Variants in UROC1 observed in about 807,000 individuals in gnomAD.
The protein encoded by UROC1 is urocanate hydratase.
In UROC1, 79 loss-of-function variants were observed where a neutral mutation model predicts 89.5. That is an observed-to-expected ratio of 0.88 (90% confidence interval 0.74 to 1.06). The LOEUF is 1.06. Among genes scored for constraint, UROC1 ranks in the 50% least tolerant of loss-of-function variants. The probability of loss-of-function intolerance (pLI) is 0.00; values close to 1 mark genes in which losing one functional copy is unlikely to be tolerated. For synonymous variants in UROC1, 361 were observed against 354.8 expected (o/e 1.02, Z -0.20); for missense variants, 885 against 907.8 (o/e 0.97, Z 0.32).
At chr3:126,501,584 G>A (rs561967893) in intron 9 of UROC1, among the ~76,000 whole-genome samples, 1 of 152,390 alleles carries the variant, frequency 6.6e-6, no homozygotes, top group South Asian at 2.1e-4. Context: ...GTCCTCCACA[G>A]GGATCTTTAC....
Position 126,505,860 on chromosome 3 carries a change from G to T in UROC1, c.670-16C>A, listed in dbSNP as rs1337039281. 6 of 1,613,256 alleles carry T rather than the reference G, an allele frequency of 3.7e-6. No individual in the cohort carries two copies. In the Middle Eastern group the frequency reaches 9.9e-4, roughly 266 times the overall value. On this transcript the variant is annotated splice_polypyrimidine_tract_variant and intron_variant, in intron 7 of 19. Transcript: ENST00000290868. ...ACACGGTGAGCTGCAGGGAGAAGAG[G>T]TGGGGGCTCACTGCCCACTCCCAGC... is the stretch of plus-strand genomic sequence containing the variant.
chr3:126,502,275 TTA>T (rs1423120466), intron 9 of UROC1, among the ~76,000 whole-genome samples: 2 of 138,424 alleles, frequency 1.4e-5, no homozygotes, highest in Non-Finnish European at 3.2e-5. Context: ...GCCTGTGTGT[TTA>T]TGTGTTTGTG....
At chr3:126,506,745 TCTC>T (rs982929152) in intron 6 of UROC1, among the ~76,000 whole-genome samples, 2 of 152,122 alleles carry the variant, frequency 1.3e-5, no homozygotes, top group African/African-American at 4.8e-5. Flanking sequence ...GTAAGAGGGA[TCTC>T]CTTTTCAGTG....
intron 9 of UROC1, 127 bp from the exon 10 acceptor site, chr3:126,501,407 G>T (rs1935920931): frequency 9.1e-7 from 1 of 1,100,246 alleles, no homozygotes; most frequent in Non-Finnish European, 1.4e-6. Flanking sequence ...GTGCAAACGT[G>T]GGGGCCATGG....
At chr3:126,508,374 G>T in intron 4 of UROC1, 42 bp downstream of exon 4, 2 of 1,602,044 alleles carry the variant, frequency 1.2e-6, no homozygotes, top group South Asian at 1.1e-5. Context: ...CAGACTAGAG[G>T]AAAGGCCAGG....
intron 15 of UROC1, among the ~76,000 whole-genome samples, chr3:126,494,692 T>G (rs1368035712): frequency 6.6e-6 from 1 of 152,214 alleles, no homozygotes; most frequent in Non-Finnish European, 1.5e-5. Context: ...CCGTGGGGCC[T>G]GTGTACAGGC....
rs753192516 is a variant in UROC1 at position 126,496,086 on chromosome 3, C to T, written c.1461G>A (p.Gln487=). 10 of 1,613,334 alleles carry T rather than the reference C, an allele frequency of 6.2e-6. No individual in the cohort carries two copies. In the East Asian group the frequency reaches 2.2e-4, roughly 36 times the overall value. ...ADGVKVSVKL[Q]YMDNIRWIRE... is the part of the protein sequence containing the mutation. ...GGATCCAGCGGATGTTGTCCATGTA[C>T]TGCAGCTTCACAGACACCTTCACTG... Residue 487 remains glutamine (Q), a synonymous_variant, in exon 15 of 20, where the codon CAG becomes CAA. Coordinates refer to ENST00000290868, the MANE Select transcript of UROC1 (RefSeq NM_144639.3).
chr3:126,488,818 C>A (rs1935576829), intron 17 of UROC1, among the ~76,000 whole-genome samples: 1 of 152,240 alleles, frequency 6.6e-6, no homozygotes, highest in Non-Finnish European at 1.5e-5. Flanking sequence ...CAGCCTGAGA[C>A]CGTGAGCCCC....
Position 126,517,634 on chromosome 3 carries a change from G to T in UROC1, c.86C>A (p.Ala29Asp), listed in dbSNP as rs1474200582. ...GCTGAGGCTGGGGGTCCTGACAGGGGCATGGGGCACCCCAGCCTGGCGTCC... is the reference window on the plus strand; with the variant it reads ...GCTGAGGCTGGGGGTCCTGACAGGGTCATGGGGCACCCCAGCCTGGCGTCC... ...NRGRQAGVPH[A>D]PVRTPSLSPV... The change falls in exon 1 of 20, where the codon GCC becomes GAC. Residue 29 changes from alanine to aspartate, a missense_variant. Physicochemically the swap from Ala to Asp is moderately radical, Grantham distance 126. Transcript: ENST00000290868. 1 of 1,611,790 alleles carries T rather than the reference G, an allele frequency of 6.2e-7. No homozygotes were observed. Among genetic ancestry groups the T allele is most frequent in the Non-Finnish European group, 8.5e-7 (1 of 1,179,544 alleles).
chr3:126,509,777 G>T (rs867850898), intron 2 of UROC1, 99 bp from the exon 3 acceptor site: 11 of 1,110,726 alleles, frequency 9.9e-6, no homozygotes, highest in Non-Finnish European at 1.3e-5. Flanking sequence ...AAGGATAGCC[G>T]GACACGGGGC....
chr3:126,504,020 A>T lies in UROC1; in HGVS notation c.877T>A (p.Leu293Met), dbSNP rs1935997643. Residue 293 changes from leucine to methionine, a missense_variant, in exon 9 of 20, where the codon TTG becomes ATG. Leu to Met is a conservative substitution (Grantham distance 15). Transcript: ENST00000290868. ...QGWLMEVTDSLDRCIQRLREA... is the reference protein window; with the variant it reads ...QGWLMEVTDSMDRCIQRLREA... ...CTGAGCCTCTGGATGCAGCGGTCCA[A>T]GCTGTCAGTCACTTCCATCAGCCAG... is the stretch of plus-strand genomic sequence containing the variant. 6.2e-7 allele frequency: 1 copy of T among 1,614,018 alleles called. No individual in the cohort carries two copies. The highest frequency in any genetic ancestry group is 1.3e-5 in the African/African-American group (1 of 74,916).
intron 1 of UROC1, 39 bp from the exon 2 acceptor site, chr3:126,510,833 T>C (rs1936179930): frequency 1.9e-6 from 3 of 1,604,788 alleles, no homozygotes; most frequent in Non-Finnish European, 2.5e-6. Flanking sequence ...GGGCTGGGAC[T>C]CCAGGCCCGG....
chr3:126,498,598 G>A (rs35173395), intron 13 of UROC1, among the ~76,000 whole-genome samples: 40,275 of 151,788 alleles, frequency 0.27, 5,674 homozygotes, highest in East Asian at 0.56. Context: ...GGAGGATGCC[G>A]TGGCCTGGGC....
chr3:126,491,903 C>T (rs905855222), intron 16 of UROC1, among the ~76,000 whole-genome samples: 6 of 152,156 alleles, frequency 3.9e-5, no homozygotes, highest in Admixed American at 2.6e-4. Context: ...AACCAAGGCT[C>T]GGAGAGGGCT....
intron 3 of UROC1, 113 bp downstream of exon 3, chr3:126,509,472 A>G: frequency 3.7e-6 from 4 of 1,095,046 alleles, no homozygotes; most frequent in Non-Finnish European, 5.4e-6. Flanking sequence ...TAGCTTTGCA[A>G]CTTTCTGTGA....
chr3:126,507,311 G>T (rs1049712490), intron 6 of UROC1, among the ~76,000 whole-genome samples: 6 of 150,016 alleles, frequency 4.0e-5, no homozygotes, highest in Non-Finnish European at 8.9e-5. Flanking sequence ...ATAAACAAAC[G>T]TTGAATTCCC....
At chr3:126,509,412 G>A (rs566798484) in intron 3 of UROC1, among the ~76,000 whole-genome samples, 173 bp downstream of exon 3, 5 of 152,230 alleles carry the variant, frequency 3.3e-5, no homozygotes, top group African/African-American at 4.8e-5. Context: ...CTATAGACAC[G>A]GATGCAAACA....
Position 126,504,053 on chromosome 3 carries a change from T to A in UROC1, c.844A>T (p.Arg282Trp). ...GTCACTTCCATCAGCCAGCCCTGCCTGTGGCGTTTCTCAAGGGCTGCTTTA... is the reference window on the plus strand; with the variant it reads ...GTCACTTCCATCAGCCAGCCCTGCCAGTGGCGTTTCTCAAGGGCTGCTTTA... ...VDKAALEKRHRQGWLMEVTDS... is the reference protein window; with the variant it reads ...VDKAALEKRHWQGWLMEVTDS... Residue 282 changes from arginine (R) to tryptophan (W), a missense_variant, in exon 9 of 20, where the codon AGG (arginine) becomes TGG (tryptophan). Physicochemically the swap from Arg to Trp is moderately radical, Grantham distance 101. Transcript: ENST00000290868. The A allele has an allele frequency of 6.2e-7, 1 of 1,614,070 alleles. No individual in the cohort carries two copies. Among genetic ancestry groups the A allele is most frequent in the Non-Finnish European group, 8.5e-7 (1 of 1,180,040 alleles).
At chr3:126,512,631 G>A (rs1374139286) in intron 1 of UROC1, among the ~76,000 whole-genome samples, 1 of 152,146 alleles carries the variant, frequency 6.6e-6, no homozygotes, top group Non-Finnish European at 1.5e-5. Flanking sequence ...GCTGAGGTAG[G>A]AAGATTGCTT....
Sources: allele counts gnomAD v4.1 joint callset (sites outside exome capture counted in the v4.1 genomes callset), GRCh38; gene constraint gnomAD v4.1.1; transcripts MANE v1.5; gene names NCBI Gene and HGNC (gene_info 2026-07-23, HGNC 2026-07-21).